Variants in BTBD9 observed in about 807,000 individuals in gnomAD.
BTBD9 encodes the protein BTB/POZ domain-containing protein 9.
BTBD9 carries 49 observed loss-of-function variants against 64.3 expected under a neutral mutation model. The observed-to-expected ratio is 0.76, with a 90% CI of 0.61 to 0.97. The LOEUF (loss-of-function observed/expected upper bound fraction) is 0.97. BTBD9 is among the 50% of genes least tolerant of loss of function. The probability of loss-of-function intolerance (pLI) is 0.00; values close to 1 mark genes in which losing one functional copy is unlikely to be tolerated. For missense variants in BTBD9, 598 were observed against 762.1 expected, an observed-to-expected ratio of 0.78 and a Z score of 2.53; for synonymous variants, 260 against 274.7, an observed-to-expected ratio of 0.95 and a Z score of 0.53.
chr6:38,227,128 C>T (rs888612626), intron 9 of BTBD9, among the ~76,000 whole-genome samples: 1 of 152,176 alleles, frequency 6.6e-6, no homozygotes, highest in Non-Finnish European at 1.5e-5. Context: ...TGCGAAGTCA[C>T]TAGAGAGAGA....
intron 9 of BTBD9, among the ~76,000 whole-genome samples, chr6:38,242,039 T>C (rs10484933): frequency 0.046 from 7,022 of 152,252 alleles, 248 homozygotes; most frequent in Admixed American, 0.11. Flanking sequence ...GCTGGACAAA[T>C]TAATATTCTG....
intron 6 of BTBD9, among the ~76,000 whole-genome samples, chr6:38,427,295 G>C (rs1274502310): frequency 6.6e-6 from 1 of 151,684 alleles, no homozygotes; most frequent in Non-Finnish European, 1.5e-5. Context: ...TTTGAGACCA[G>C]CCTGGGCAAC....
chr6:38,622,773 A>G lies in BTBD9; in HGVS notation c.-28+17027T>C, dbSNP rs193266153. Reference sequence around the variant, plus strand: ...TTACACCCTACAACTTCAAGCCCCAACTGATCATAGTAACTTCCCAGTTAC... The same window carrying G: ...TTACACCCTACAACTTCAAGCCCCAGCTGATCATAGTAACTTCCCAGTTAC... On this transcript the variant is annotated intron_variant, in intron 1 of 10. Coordinates refer to ENST00000481247, the MANE Select transcript of BTBD9 (RefSeq NM_001099272.2). Among the ~76,000 whole-genome samples, 415 of 152,254 alleles carry G rather than the reference A, an allele frequency of 2.7e-3. 3 individuals are homozygous for G. The highest frequency in any genetic ancestry group is 9.6e-3 in the African/African-American group (398 of 41,530).
chr6:38,495,224 T>C (rs9470890), intron 6 of BTBD9, among the ~76,000 whole-genome samples: 14,366 of 152,258 alleles, frequency 0.094, 906 homozygotes, highest in African/African-American at 0.16. Context: ...TCTTCATCTA[T>C]GAAATGAAGA....
At chr6:38,366,149 G>T (rs1765176421) in intron 6 of BTBD9, among the ~76,000 whole-genome samples, 1 of 152,014 alleles carries the variant, frequency 6.6e-6, no homozygotes, top group Non-Finnish European at 1.5e-5. Context: ...AAGTATATAG[G>T]TTTGATTTAT....
At chr6:38,216,165 C>T (rs1291457125) in intron 9 of BTBD9, among the ~76,000 whole-genome samples, 1 of 152,224 alleles carries the variant, frequency 6.6e-6, no homozygotes, top group East Asian at 1.9e-4. Context: ...GCAACTCTGA[C>T]ATTGTACAGT....
chr6:38,327,421 G>T (rs1306996250), intron 7 of BTBD9, among the ~76,000 whole-genome samples: 1 of 152,134 alleles, frequency 6.6e-6, no homozygotes, highest in African/African-American at 2.4e-5. Context: ...GTATACAGCA[G>T]TCTGCCCCCA....
At chr6:38,627,951 AT>A (rs1330967773) in intron 1 of BTBD9, among the ~76,000 whole-genome samples, 5 of 152,178 alleles carry the variant, frequency 3.3e-5, no homozygotes, top group African/African-American at 1.2e-4. Context: ...GTTTCCTACT[AT>A]TTACTAAAAT....
At chr6:38,209,269 G>C (rs1762754762) in intron 9 of BTBD9, among the ~76,000 whole-genome samples, 1 of 152,194 alleles carries the variant, frequency 6.6e-6, no homozygotes, top group Admixed American at 6.5e-5. Context: ...GCCTTAGATA[G>C]AGCTCGGTGT....
intron 9 of BTBD9, among the ~76,000 whole-genome samples, chr6:38,223,669 C>T (rs1763292152): frequency 6.6e-6 from 1 of 152,140 alleles, no homozygotes; most frequent in African/African-American, 2.4e-5. Flanking sequence ...TCCTCTTCCT[C>T]TCTGCTCAAT....
At chr6:38,319,855 T>C (rs924607808) in intron 7 of BTBD9, among the ~76,000 whole-genome samples, 8 of 152,116 alleles carry the variant, frequency 5.3e-5, no homozygotes, top group Admixed American at 2.6e-4. Context: ...AGCACAGCAC[T>C]AGGGCTTGCC....
At chr6:38,326,678 T>C (rs1164258188) in intron 7 of BTBD9, among the ~76,000 whole-genome samples, 1 of 151,806 alleles carries the variant, frequency 6.6e-6, no homozygotes, top group African/African-American at 2.4e-5. Flanking sequence ...TTCCACAGCT[T>C]ACTGAGGTTT....
At chr6:38,546,626 C>T (rs540591816) in intron 6 of BTBD9, among the ~76,000 whole-genome samples, 10 of 152,256 alleles carry the variant, frequency 6.6e-5, no homozygotes, top group Admixed American at 5.9e-4. Context: ...ATATTTCAAA[C>T]CTTTTCATTA....
intron 8 of BTBD9, among the ~76,000 whole-genome samples, chr6:38,268,818 G>A (rs1765105170): frequency 6.6e-6 from 1 of 152,168 alleles, no homozygotes; most frequent in Admixed American, 6.5e-5. Flanking sequence ...TACTACCAGC[G>A]TGAGCTGCGA....
At position 38,636,976 on chromosome 6, in the gene BTBD9, G is replaced by A. The variant is rs1350204070; in HGVS notation, c.-28+2824C>T. 3.7e-4 allele frequency among the ~76,000 whole-genome samples: 57 copies of A among 152,064 alleles called. 1 individual carries two copies. Among genetic ancestry groups the A allele is most frequent in the Non-Finnish European group, 7.3e-5 (5 of 68,030 alleles). On this transcript the variant is annotated intron_variant, in intron 1 of 10. Transcript: ENST00000481247. ...AACAACTCAAGATATTTCCAAAAGC[G>A]CTATTTAATTTTAATATTCAGCAAC...
intron 9 of BTBD9, among the ~76,000 whole-genome samples, chr6:38,251,688 C>A (rs1304297627): frequency 6.6e-6 from 1 of 151,966 alleles, no homozygotes; most frequent in Non-Finnish European, 1.5e-5. Context: ...GTCAAGAGTT[C>A]AAGACTAGCC....
At chr6:38,628,541 G>A (rs954343369) in intron 1 of BTBD9, among the ~76,000 whole-genome samples, 1 of 152,118 alleles carries the variant, frequency 6.6e-6, no homozygotes, top group South Asian at 2.1e-4. Flanking sequence ...TTACAAACAC[G>A]AAAAGGGGAA....
rs145635607 is a variant in BTBD9 at position 38,292,477 on chromosome 6, T to C, written c.1265-4016A>G. On this transcript the variant is annotated intron_variant, in intron 7 of 10. Coordinates refer to ENST00000481247, the MANE Select transcript of BTBD9 (RefSeq NM_001099272.2). ...TTTTTTTGGTTGGTAGGCTATTAAT[T>C]ACTGCCTCAATTTCAGAATTTGTTA... 5.4e-3 allele frequency among the ~76,000 whole-genome samples: 818 copies of C among 152,310 alleles called. 5 individuals carry two copies. The highest frequency in any genetic ancestry group is 0.018 in the African/African-American group (758 of 41,562).
At chr6:38,215,244 C>T (rs768229724) in intron 9 of BTBD9, among the ~76,000 whole-genome samples, 7 of 152,154 alleles carry the variant, frequency 4.6e-5, no homozygotes, top group Non-Finnish European at 8.8e-5. Context: ...TACTGTCTGG[C>T]AATTCACCTT....
Sources: allele counts gnomAD v4.1 joint callset (sites outside exome capture counted in the v4.1 genomes callset), GRCh38; gene constraint gnomAD v4.1.1; transcripts MANE v1.5; gene names NCBI Gene and HGNC (gene_info 2026-07-23, HGNC 2026-07-21).